VPS37A: variants seen among roughly 807,000 people sequenced by gnomAD.
VPS37A encodes VPS37A subunit of ESCRT-I.
VPS37A carries 30 observed loss-of-function variants against 49.8 expected under a neutral mutation model. That is an observed-to-expected ratio of 0.60 (90% CI 0.45 to 0.82). The LOEUF is 0.82. VPS37A is among the 40% of genes least tolerant of loss of function. The pLI, the probability that VPS37A is intolerant of heterozygous loss-of-function variation, is 0.00. For missense variants in VPS37A, 593 were observed against 464.4 expected, an observed-to-expected ratio of 1.28 and a Z score of -2.55; for synonymous variants, 195 against 160.6, an observed-to-expected ratio of 1.21 and a Z score of -1.62.
Position 17,284,456 on chromosome 8 carries a change from C to T in VPS37A, c.970-17C>T. The T allele has an allele frequency of 6.4e-7, 1 of 1,553,242 alleles. No individual in the cohort carries two copies. Among genetic ancestry groups the T allele is most frequent in the Non-Finnish European group, 8.6e-7 (1 of 1,160,426 alleles). The stretch of plus-strand genomic sequence containing the variant: ...TGAGTATCATAAATTAAAGTAGTGC[C>T]TGATTTTCTTTTTCAGAGCTGTAGT... On this transcript the variant is annotated splice_polypyrimidine_tract_variant and intron_variant, in intron 9 of 11. Coordinates refer to ENST00000324849, the MANE Select transcript of VPS37A (RefSeq NM_152415.3).
At chr8:17,258,091 G>A (rs1036004573) in intron 1 of VPS37A, among the ~76,000 whole-genome samples, 8 of 151,934 alleles carry the variant, frequency 5.3e-5, no homozygotes, top group South Asian at 2.1e-4. Context: ...TGTGTCATCC[G>A]CGAACAAGGC....
intron 4 of VPS37A, chr8:17,272,075 G>C (rs1473534501): frequency 2.2e-6 from 1 of 456,656 alleles, no homozygotes; most frequent in Non-Finnish European, 4.4e-6. Context: ...TACATTTTCT[G>C]TTTTCCATAT....
intron 5 of VPS37A, 27 bp from the exon 6 acceptor site, chr8:17,276,370 T>G (rs1396305598): frequency 6.3e-7 from 1 of 1,591,596 alleles, no homozygotes; most frequent in Non-Finnish European, 8.6e-7. Context: ...TGGCTGAAAT[T>G]TAATATCATT....
chr8:17,331,100 A>G, the VPS37A span: 1 of 1,575,686 alleles, frequency 6.3e-7, no homozygotes, highest in South Asian at 1.2e-5. Flanking sequence ...CCCTTTTGGC[A>G]TCAAAATACT....
chr8:17,260,681 A>G (rs80352079), intron 1 of VPS37A, among the ~76,000 whole-genome samples: 2,181 of 152,212 alleles, frequency 0.014, 38 homozygotes, highest in Middle Eastern at 0.041. Context: ...TGTGGGAAAG[A>G]CTTTGATTCT....
downstream of VPS37A, chr8:17,300,252 A>G (rs564378279): frequency 3.8e-6 from 6 of 1,577,522 alleles, no homozygotes; most frequent in South Asian, 3.5e-5. Flanking sequence ...ATTTCAGGGG[A>G]AAAATCATAA....
At chr8:17,327,178 A>C in the VPS37A span, among the ~76,000 whole-genome samples, 1 of 152,222 alleles carries the variant, frequency 6.6e-6, no homozygotes, top group Non-Finnish European at 1.5e-5. Flanking sequence ...AGGTGAAGTA[A>C]AATTAATCAG....
intron 1 of VPS37A, among the ~76,000 whole-genome samples, chr8:17,264,352 G>T (rs1437921192): frequency 6.6e-6 from 1 of 152,114 alleles, no homozygotes; most frequent in Non-Finnish European, 1.5e-5. Flanking sequence ...AAAAAATTTA[G>T]GCCATTCTGT....
intron 9 of VPS37A, among the ~76,000 whole-genome samples, chr8:17,282,011 C>G (rs1563278747): frequency 6.6e-6 from 1 of 151,810 alleles, no homozygotes; most frequent in African/African-American, 2.4e-5. Context: ...ATCAAAATGC[C>G]AAGAATATTT....
chr8:17,279,721 G>C (rs1231422990), intron 6 of VPS37A: 2 of 445,716 alleles, frequency 4.5e-6, no homozygotes, highest in Non-Finnish European at 8.7e-6. Context: ...TTTAATTTCA[G>C]GTCACTGTAT....
At chr8:17,247,531 T>G in intron 1 of VPS37A, 162 bp downstream of exon 1, 1 of 1,028,318 alleles carries the variant, frequency 9.7e-7, no homozygotes, top group South Asian at 1.5e-5. Context: ...CCTGCCCCCT[T>G]TTACTGTTTT....
chr8:17,250,254 C>G lies in VPS37A; in HGVS notation c.125+2885C>G, dbSNP rs1050138501. Among the ~76,000 whole-genome samples the G allele has an allele frequency of 7.2e-5, 11 of 152,114 alleles. No individual in the cohort carries two copies. In the East Asian group the frequency reaches 2.1e-3, roughly 29 times the overall value. On this transcript the variant is annotated intron_variant, in intron 1 of 11. Transcript: ENST00000324849. ...CCAGACTCCTTTAATTCAAAGTAAT[C>G]AGCCTACCAAAGTGCAATATTTTGG...
chr8:17,247,164 C>A lies in VPS37A; in HGVS notation c.-81C>A. The A allele has an allele frequency of 6.5e-7, 1 of 1,540,732 alleles. No homozygotes were observed. Among genetic ancestry groups the A allele is most frequent in the South Asian group, 1.2e-5 (1 of 83,802 alleles). On this transcript the variant is annotated 5_prime_UTR_variant, in exon 1 of 12. Coordinates refer to ENST00000324849, the MANE Select transcript of VPS37A (RefSeq NM_152415.3). Reference sequence around the variant, plus strand: ...CGGACGTCCCACCCCGCTCCTCTGTCGCTGGAGAACCGCCGGGCCGAGCCA... The same window carrying A: ...CGGACGTCCCACCCCGCTCCTCTGTAGCTGGAGAACCGCCGGGCCGAGCCA...
intron 6 of VPS37A, among the ~76,000 whole-genome samples, chr8:17,277,127 CT>C: frequency 6.6e-6 from 1 of 151,750 alleles, no homozygotes; most frequent in Non-Finnish European, 1.5e-5. Context: ...TCCTTTTTGT[CT>C]TTAGGATATA....
chr8:17,293,715 G>T (rs1816353474), intron 11 of VPS37A, among the ~76,000 whole-genome samples: 1 of 152,188 alleles, frequency 6.6e-6, no homozygotes, highest in Admixed American at 6.5e-5. Context: ...CCCCTCTTCT[G>T]CAGGTCTGCT....
intron 11 of VPS37A, among the ~76,000 whole-genome samples, chr8:17,287,010 A>T (rs1815664132): frequency 6.6e-6 from 1 of 152,208 alleles, no homozygotes; most frequent in Non-Finnish European, 1.5e-5. Context: ...ATAATCTTGC[A>T]TATATTTCAG....
the VPS37A span, among the ~76,000 whole-genome samples, chr8:17,330,969 C>G: frequency 1.3e-5 from 2 of 152,182 alleles, no homozygotes; most frequent in Non-Finnish European, 2.9e-5. Flanking sequence ...AAAACCACAT[C>G]ACAGTGATGC....
rs373775451 is a variant in VPS37A, at chr8:17,274,746, C to A, written c.430C>A (p.Pro144Thr). The change falls in exon 5 of 12, where the codon CCA becomes ACA. Residue 144 changes from proline to threonine, a missense_variant. By Grantham distance (38) the Pro-to-Thr change is conservative. Coordinates refer to ENST00000324849, the MANE Select transcript of VPS37A (RefSeq NM_152415.3). Reference sequence around the variant, plus strand: ...TTTTCTTTTCAGTCTATACAGTAACCCAAGTGGGATGTCTCCTTATGCTTC... The same window carrying A: ...TTTTCTTTTCAGTCTATACAGTAACACAAGTGGGATGTCTCCTTATGCTTC... Reference protein sequence around the residue: ...STAFPYLYSNPSGMSPYASQG... With the variant: ...STAFPYLYSNTSGMSPYASQG... The A allele has an allele frequency of 1.9e-4, 308 of 1,613,672 alleles. 1 individual carries two copies. Among genetic ancestry groups the A allele is most frequent in the Admixed American group, 5.3e-4 (32 of 59,996 alleles).
chr8:17,310,800 G>C, the VPS37A span, among the ~76,000 whole-genome samples: 1 of 152,156 alleles, frequency 6.6e-6, no homozygotes, highest in African/African-American at 2.4e-5. Context: ...ATCTTGTGTA[G>C]CACGGATTCA....
Sources: gnomAD v4.1 joint callset for allele counts (sites outside exome capture counted in the v4.1 genomes callset) on GRCh38, gnomAD v4.1.1 for gene constraint, MANE v1.5 for transcripts, NCBI Gene and HGNC (gene_info 2026-07-23, HGNC 2026-07-21) for gene names.